Variants in ITGBL1 observed in about 807,000 individuals in gnomAD.
ITGBL1 encodes the protein integrin subunit beta like 1.
ITGBL1 carries 51 observed loss-of-function variants against 68.5 expected under a neutral mutation model. The ratio of observed to expected loss-of-function variants is 0.74; its 90% CI spans 0.59 to 0.94. The LOEUF is 0.94. Ranked by LOEUF, ITGBL1 falls within the 40% of genes least tolerant of loss-of-function variation. The pLI is 0.00. For synonymous variants in ITGBL1, 209 were observed against 227.3 expected (o/e 0.92, Z 0.72); for missense variants, 649 against 647.4 (o/e 1.00, Z -0.03).
At chr13:101,600,098 G>C (rs1035894138) in intron 7 of ITGBL1, among the ~76,000 whole-genome samples, 25 of 152,100 alleles carry the variant, frequency 1.6e-4, no homozygotes, top group South Asian at 1.5e-3. Flanking sequence ...TTGTTTGTAT[G>C]CTCTTTTATT....
chr13:101,550,355 C>T (rs1187417617), intron 2 of ITGBL1, among the ~76,000 whole-genome samples: 4 of 152,182 alleles, frequency 2.6e-5, no homozygotes, highest in Admixed American at 1.3e-4. Flanking sequence ...TTACTGCCCA[C>T]TGTGAAAGAG....
chr13:101,604,950 ACATGTGTATATGTATATATACATATATG>A (rs1594922784), intron 7 of ITGBL1, among the ~76,000 whole-genome samples: 1 of 10,316 alleles, frequency 9.7e-5, no homozygotes, highest in East Asian at 0.02. Context: ...ATATATGTGT[ACATGTGTATATGTATATATACATATATG>A]CGTACATGTG....
At chr13:101,655,166 C>T (rs539545576) in intron 7 of ITGBL1, among the ~76,000 whole-genome samples, 10 of 152,204 alleles carry the variant, frequency 6.6e-5, no homozygotes, top group South Asian at 4.2e-4. Context: ...GCCATGAAGG[C>T]GGGGATCTTG....
intron 2 of ITGBL1, among the ~76,000 whole-genome samples, chr13:101,505,078 CTTAT>C (rs1415361140): frequency 6.6e-6 from 1 of 151,874 alleles, no homozygotes; most frequent in Non-Finnish European, 1.5e-5. Context: ...AGCCTCCCTA[CTTAT>C]TTATTATAAA....
downstream of ITGBL1, chr13:101,716,741 C>A (rs900942615): frequency 7.0e-6 from 1 of 142,670 alleles, no homozygotes; most frequent in African/African-American, 2.6e-5. Flanking sequence ...GAAGTCAAGA[C>A]GAGAAATACT....
chr13:101,714,579 C>G, intron 10 of ITGBL1, 28 bp downstream of exon 10: 1 of 1,313,516 alleles, frequency 7.6e-7, no homozygotes, highest in Non-Finnish European at 1.1e-6. Context: ...TCTAATTGCT[C>G]TATGCCACAG....
rs570777091 is a variant in ITGBL1 at position 101,579,403 on chromosome 13, G to C, written c.703G>C (p.Asp235His). 2 of 1,613,818 alleles carry C rather than the reference G, an allele frequency of 1.2e-6. No homozygotes were observed. Among genetic ancestry groups the C allele is most frequent in the South Asian group, 2.2e-5 (2 of 91,076 alleles). ...WESKRRCTSPDGKICSNRGTC... is the reference protein window; with the variant it reads ...WESKRRCTSPHGKICSNRGTC... ...AAGCAAGCGAAGATGCACGTCTCCA[G>C]ATGGCAAAATCTGCAGTAACAGAGG... The change falls in exon 5 of 11, where the codon GAT becomes CAT. Residue 235 changes from aspartate (D) to histidine (H), a missense_variant. Transcript: ENST00000376180.
intron 2 of ITGBL1, among the ~76,000 whole-genome samples, chr13:101,465,026 G>A (rs531139106): frequency 2.6e-5 from 4 of 152,228 alleles, no homozygotes; most frequent in East Asian, 1.9e-4. Flanking sequence ...AAACAATGAC[G>A]TATCATTTGG....
chr13:101,675,694 T>G (rs1042106364), intron 7 of ITGBL1, among the ~76,000 whole-genome samples: 12 of 152,098 alleles, frequency 7.9e-5, no homozygotes, highest in African/African-American at 2.9e-4. Flanking sequence ...AATTTAGGGG[T>G]GGGATATTTC....
At chr13:101,645,535 A>G (rs1199984411) in intron 7 of ITGBL1, among the ~76,000 whole-genome samples, 1 of 152,150 alleles carries the variant, frequency 6.6e-6, no homozygotes, top group Non-Finnish European at 1.5e-5. Context: ...GGGGGTCATT[A>G]TATTGTATAG....
At position 101,538,980 on chromosome 13, in the gene ITGBL1, T is replaced by C. The variant is rs529627172; in HGVS notation, c.317-28719T>C. 3.3e-5 allele frequency among the ~76,000 whole-genome samples: 5 copies of C among 151,924 alleles called. No individual in the cohort carries two copies. In the South Asian group the frequency reaches 6.3e-4, roughly 19 times the overall value. ...TGCTCAAGTTCACACAGCAAATCCATGTAGTGGAGCTTTACCATCAGTGGT... is the reference window on the plus strand; with the variant it reads ...TGCTCAAGTTCACACAGCAAATCCACGTAGTGGAGCTTTACCATCAGTGGT... On this transcript the variant is annotated intron_variant, in intron 2 of 10. Transcript: ENST00000376180.
intron 7 of ITGBL1, among the ~76,000 whole-genome samples, chr13:101,637,547 G>C (rs1035587222): frequency 6.6e-6 from 1 of 152,018 alleles, no homozygotes; most frequent in African/African-American, 2.4e-5. Context: ...GTTTCATTGT[G>C]TTAGTCAGAA....
In ITGBL1 at chr13:101,468,781, G is replaced by C. The variant is rs565101685; in HGVS notation, c.316+14681G>C. ...TTATGCATCTCATGTTAAAGAAAGT[G>C]AGATAGCCGAAATCACTGGGACAAA... On this transcript the variant is annotated intron_variant, in intron 2 of 10. Transcript: ENST00000376180. Among the ~76,000 whole-genome samples the C allele has an allele frequency of 2.0e-5, 3 of 152,324 alleles. No individual in the cohort carries two copies. In the East Asian group the frequency reaches 5.8e-4, roughly 29 times the overall value.
chr13:101,461,735 C>T (rs560381734), intron 2 of ITGBL1, among the ~76,000 whole-genome samples: 6 of 152,058 alleles, frequency 3.9e-5, no homozygotes, highest in African/African-American at 1.2e-4. Context: ...CAGAGAGCCC[C>T]GTTATCATTC....
At chr13:101,535,826 A>C (rs2049565148) in intron 2 of ITGBL1, among the ~76,000 whole-genome samples, 1 of 152,138 alleles carries the variant, frequency 6.6e-6, no homozygotes, top group African/African-American at 2.4e-5. Context: ...TCTCTTCTTC[A>C]TAATCATTCT....
At chr13:101,528,625 C>T (rs1010668796) in intron 2 of ITGBL1, among the ~76,000 whole-genome samples, 1 of 151,170 alleles carries the variant, frequency 6.6e-6, no homozygotes, top group African/African-American at 2.4e-5. Context: ...TTTGTGATTT[C>T]TTATTTTACC....
chr13:101,522,567 G>T lies in ITGBL1; in HGVS notation c.317-45132G>T, dbSNP rs367931145. Among the ~76,000 whole-genome samples, 279 of 152,246 alleles carry T rather than the reference G, an allele frequency of 1.8e-3. 1 individual carries two copies. Among genetic ancestry groups the T allele is most frequent in the African/African-American group, 6.5e-3 (270 of 41,562 alleles). The stretch of plus-strand genomic sequence containing the variant: ...GTGGGAGGTAGGAAGATTAGGAGAA[G>T]GGAGACTTATCAAGTAGATTTTAGA... On this transcript the variant is annotated intron_variant, in intron 2 of 10. Coordinates refer to ENST00000376180, the MANE Select transcript of ITGBL1 (RefSeq NM_004791.3).
At chr13:101,459,065 T>C (rs544107805) in intron 2 of ITGBL1, among the ~76,000 whole-genome samples, 1 of 152,302 alleles carries the variant, frequency 6.6e-6, no homozygotes, top group African/African-American at 2.4e-5. Flanking sequence ...ATGGAACTGA[T>C]GGAGTCAAGA....
At chr13:101,703,191 G>A (rs1274513149) in intron 8 of ITGBL1, among the ~76,000 whole-genome samples, 1 of 151,922 alleles carries the variant, frequency 6.6e-6, no homozygotes, top group Non-Finnish European at 1.5e-5. Context: ...AAAAAAATAA[G>A]GTATTACAGA....
Sources: gnomAD v4.1 joint callset for allele counts (sites outside exome capture counted in the v4.1 genomes callset) on GRCh38, gnomAD v4.1.1 for gene constraint, MANE v1.5 for transcripts, NCBI Gene and HGNC (gene_info 2026-07-23, HGNC 2026-07-21) for gene names.